Variants in PDE4DIP observed in about 807,000 individuals in gnomAD.
PDE4DIP encodes phosphodiesterase 4D interacting protein.
PDE4DIP carries 59 observed loss-of-function variants against 221.4 expected under a neutral mutation model. That is an observed-to-expected ratio of 0.27 (90% CI 0.22 to 0.33). The LOEUF (loss-of-function observed/expected upper bound fraction) is 0.33, where lower values mean the gene tolerates loss of function less well. PDE4DIP is among the 10% of genes least tolerant of loss of function. The pLI, the probability that PDE4DIP is intolerant of heterozygous loss-of-function variation, is 1.00. For synonymous variants in PDE4DIP, 404 were observed against 815.9 expected (o/e 0.50, Z 8.60); for missense variants, 1,036 against 2,154.2 (o/e 0.48, Z 10.28).
At chr1:148,927,249 A>G (rs1334876828) in intron 1 of PDE4DIP, among the ~76,000 whole-genome samples, 1 of 152,152 alleles carries the variant, frequency 6.6e-6, no homozygotes, top group East Asian at 1.9e-4. Context: ...TGAAGAAATT[A>G]GGATATTTTC....
intron 4 of PDE4DIP, among the ~76,000 whole-genome samples, chr1:148,937,209 C>G (rs1407882571): frequency 5.9e-5 from 9 of 152,142 alleles, no homozygotes; most frequent in Non-Finnish European, 1.2e-4. Context: ...GGACCATCAT[C>G]ATACATGCAG....
At chr1:149,028,780 C>T (rs587619529) in intron 41 of PDE4DIP, 77 bp downstream of exon 44, 122 of 788,734 alleles carry the variant, frequency 1.5e-4, no homozygotes, top group Non-Finnish European at 2.5e-4. Flanking sequence ...CTCAATGTCA[C>T]AGCTTTTCCA....
intron 21 of PDE4DIP, chr1:148,990,366 T>C (rs1553555941): frequency 1.0e-6 from 1 of 984,976 alleles, no homozygotes; most frequent in Admixed American, 6.2e-5. Context: ...TTTATTTGTC[T>C]CCGTCGAATT....
exon 18 of PDE4DIP, chr1:148,977,954 A>G (rs782030298): frequency 1.2e-5 from 19 of 1,613,762 alleles, no homozygotes; most frequent in Non-Finnish European, 1.4e-5. Flanking sequence ...TTTCTGCTCT[A>G]CAGTCCATGA....
chr1:149,022,504 T>C (rs1384048193), intron 37 of PDE4DIP, among the ~76,000 whole-genome samples: 2 of 152,268 alleles, frequency 1.3e-5, no homozygotes, highest in African/African-American at 4.8e-5. Context: ...AAATCCTGAT[T>C]TAGTTTCCTG....
exon 32 of PDE4DIP, chr1:149,012,687 C>T: frequency 6.2e-7 from 1 of 1,613,932 alleles, no homozygotes; most frequent in Middle Eastern, 1.7e-4. Context: ...CCCACTGGCC[C>T]TCTCCTCCTT....
intron 20 of PDE4DIP, 150 bp downstream of exon 23, chr1:148,979,999 C>G (rs2060821546): frequency 9.1e-7 from 1 of 1,104,854 alleles, no homozygotes; most frequent in Non-Finnish European, 1.3e-6. Context: ...GGGCTACCCA[C>G]TTTGTCATTT....
chr1:148,978,267 T>C lies in PDE4DIP; in HGVS notation c.2437-11T>C. 1 of 1,582,570 alleles carries C rather than the reference T, an allele frequency of 6.3e-7. No homozygotes were observed. The highest frequency in any genetic ancestry group is 8.6e-7 in the Non-Finnish European group (1 of 1,160,562). On this transcript the variant is annotated splice_polypyrimidine_tract_variant and intron_variant, in intron 18 of 43. Transcript: ENST00000369354. ...CTATTTTCACATCCATACTTATTTT[T>C]TGACTTCTAGGACCTGCAAATGCAA...
intron 1 of PDE4DIP, among the ~76,000 whole-genome samples, chr1:148,822,450 G>C (rs1669530179): frequency 6.8e-6 from 1 of 147,498 alleles, no homozygotes; most frequent in Admixed American, 6.8e-5. Flanking sequence ...ACCCTATTGT[G>C]AACTGGGCAT....
intron 2 of PDE4DIP, among the ~76,000 whole-genome samples, chr1:148,867,831 AC>A (rs1439756097): frequency 2.2e-5 from 3 of 138,472 alleles, no homozygotes; most frequent in Non-Finnish European, 4.8e-5. Context: ...ATGTCTGCCC[AC>A]ACCTGGCTTA....
chr1:148,953,807 C>T lies in PDE4DIP; in HGVS notation c.637-6847C>T, dbSNP rs781789622. 8 of 1,454,228 alleles carry T rather than the reference C, an allele frequency of 5.5e-6. No homozygotes were observed. The East Asian group carries it at 1.8e-4, about 33-fold the overall frequency. 90.1% of individuals were successfully genotyped at this position (1,454,228 alleles called of 1,614,324 possible). ...CGGTTTCCTTAACAGGTCTTTGAAA[C>T]CCCTTTACAAGACACCTGTGAGTTA... On this transcript the variant is annotated intron_variant, in intron 5 of 43. Coordinates refer to ENST00000369354, the Ensembl canonical transcript of PDE4DIP.
intron 2 of PDE4DIP, chr1:148,930,162 T>C (rs2047559857): frequency 6.6e-6 from 1 of 151,838 alleles, no homozygotes; most frequent in South Asian, 2.1e-4. Flanking sequence ...ACTAAAATTA[T>C]TAAAAATATT....
chr1:149,029,061 C>T (rs1486320280), intron 41 of PDE4DIP, among the ~76,000 whole-genome samples: 2 of 152,172 alleles, frequency 1.3e-5, no homozygotes. Context: ...GCTTCAGCAC[C>T]CATCTCCCAC....
intron 43 of PDE4DIP, 187 bp downstream of exon 46, chr1:149,030,465 C>G: frequency 1.0e-6 from 1 of 984,704 alleles, no homozygotes; most frequent in South Asian, 4.7e-5. Context: ...CCCTCCCACC[C>G]CGTCAGCTCC....
intron 5 of PDE4DIP, chr1:148,952,186 G>A: frequency 5.8e-6 from 6 of 1,038,358 alleles, no homozygotes; most frequent in Non-Finnish European, 7.0e-6. Flanking sequence ...GCGGCTGGCT[G>A]TGGCCCGCGC....
intron 21 of PDE4DIP, 172 bp from the exon 25 acceptor site, chr1:148,991,713 T>TA (rs2063105110): frequency 4.9e-6 from 1 of 203,492 alleles, no homozygotes; most frequent in Admixed American, 6.5e-5. Flanking sequence ...GTGTCTGTGA[T>TA]ACAAAAAGTT....
intron 4 of PDE4DIP, 27 bp from the exon 8 acceptor site, chr1:148,937,720 A>T (rs2049535725): frequency 3.2e-6 from 4 of 1,231,704 alleles, no homozygotes; most frequent in Non-Finnish European, 1.2e-6. Context: ...GATCATAATT[A>T]CTGTCCTTAC....
exon 2 of PDE4DIP, chr1:148,929,228 T>C (rs2047312600): frequency 2.5e-6 from 4 of 1,613,490 alleles, no homozygotes; most frequent in Non-Finnish European, 2.5e-6. Context: ...GTGGAGAGCT[T>C]GAAACGAGAA....
chr1:149,005,509 A>G (rs2066760193), intron 27 of PDE4DIP, 72 bp downstream of exon 30: 1 of 1,115,580 alleles, frequency 9.0e-7, no homozygotes, highest in African/African-American at 1.6e-5. Flanking sequence ...AGGGTAGCTC[A>G]GGCAGTTGGA....
Sources: gnomAD v4.1 joint callset for allele counts (sites outside exome capture counted in the v4.1 genomes callset) on GRCh38, gnomAD v4.1.1 for gene constraint, MANE v1.5 for transcripts, NCBI Gene and HGNC (gene_info 2026-07-23, HGNC 2026-07-21) for gene names.